KLF8: variants seen among roughly 807,000 people sequenced by gnomAD.
KLF8 encodes the protein KLF transcription factor 8, also known as Krueppel-like factor 8.
Under a neutral mutation model 18.2 loss-of-function variants are expected in KLF8, and 10 were observed. That is an observed-to-expected ratio of 0.55 (90% confidence interval 0.34 to 0.93). The LOEUF is 0.93. KLF8 is among the 40% of genes least tolerant of loss of function. The pLI is 0.02. For missense variants in KLF8, 264 were observed against 277.9 expected, an observed-to-expected ratio of 0.95 and a Z score of 0.36; for synonymous variants, 109 against 97.3, an observed-to-expected ratio of 1.12 and a Z score of -0.71.
the KLF8 span, among the ~76,000 whole-genome samples, chrX:56,050,623 G>T: frequency 2.7e-5 from 3 of 112,363 alleles, no homozygotes; most frequent in African/African-American, 9.7e-5. Flanking sequence ...TTGCACTGTT[G>T]TCTAAGAGGT....
At chrX:56,053,605 G>A in the KLF8 span, among the ~76,000 whole-genome samples, 2 of 94,485 alleles carry the variant, frequency 2.1e-5, no homozygotes, top group Admixed American at 1.3e-4. Context: ...TTGTACATCT[G>A]TTAGTATTTA....
the KLF8 span, among the ~76,000 whole-genome samples, chrX:56,152,930 A>G: frequency 1.8e-5 from 2 of 112,051 alleles, no homozygotes; most frequent in Non-Finnish European, 3.8e-5. Context: ...GCATAGCATA[A>G]GAATCCAAAT....
chrX:56,048,122 T>C, the KLF8 span, among the ~76,000 whole-genome samples: 3 of 112,013 alleles, frequency 2.7e-5, no homozygotes, highest in Admixed American at 9.5e-5. Context: ...TTGTTTGTTT[T>C]TTTCTTGTAA....
chrX:55,975,925 C>T, the KLF8 span, among the ~76,000 whole-genome samples: 1 of 111,136 alleles, frequency 9.0e-6, no homozygotes, highest in Non-Finnish European at 1.9e-5. Flanking sequence ...GCCTGACCAA[C>T]GTGGAGAAAC....
chrX:56,159,841 C>T, the KLF8 span, among the ~76,000 whole-genome samples: 22 of 111,360 alleles, frequency 2.0e-4, no homozygotes, highest in Admixed American at 3.8e-4. Context: ...AAAACAATCT[C>T]CTGGATTCAT....
chrX:56,157,742 C>T, the KLF8 span, among the ~76,000 whole-genome samples: 2 of 111,006 alleles, frequency 1.8e-5, no homozygotes, highest in African/African-American at 6.5e-5. Context: ...GGGTTGTTTG[C>T]TTTTTTCTTG....
chrX:56,074,148 G>C, the KLF8 span, among the ~76,000 whole-genome samples: 6 of 111,790 alleles, frequency 5.4e-5, no homozygotes, highest in Non-Finnish European at 1.1e-4. Flanking sequence ...CTGTCTTTTT[G>C]TTATTAAATT....
At chrX:56,265,792 T>C (rs982151123) in intron 3 of KLF8, 48 bp downstream of exon 3, 35 of 1,149,330 alleles carry the variant, frequency 3.0e-5, no homozygotes, top group Non-Finnish European at 3.9e-5. Context: ...ATCTATTCCC[T>C]TTTAGAGTCA....
At chrX:56,059,576 A>G in the KLF8 span, among the ~76,000 whole-genome samples, 2 of 112,059 alleles carry the variant, frequency 1.8e-5, no homozygotes, top group Non-Finnish European at 3.8e-5. Flanking sequence ...GCATATGGTT[A>G]GCCAGTTTTC....
chrX:56,020,098 G>A, the KLF8 span, among the ~76,000 whole-genome samples: 1 of 111,971 alleles, frequency 8.9e-6, no homozygotes, highest in African/African-American at 3.2e-5. Flanking sequence ...GCACAACAAA[G>A]TTTTTAGTTA....
the KLF8 span, among the ~76,000 whole-genome samples, chrX:56,194,869 A>G: frequency 8.9e-6 from 1 of 112,310 alleles, no homozygotes; most frequent in African/African-American, 3.2e-5. Context: ...AGGAAGGATC[A>G]GACAGCAATA....
At chrX:56,208,811 G>T in the KLF8 span, among the ~76,000 whole-genome samples, 1 of 111,638 alleles carries the variant, frequency 9.0e-6, no homozygotes, top group Non-Finnish European at 1.9e-5. Flanking sequence ...ATTCCATTGT[G>T]TTCAGAGAAA....
the KLF8 span, among the ~76,000 whole-genome samples, chrX:56,162,438 C>T: frequency 8.9e-6 from 1 of 111,905 alleles, no homozygotes; most frequent in Non-Finnish European, 1.9e-5. Context: ...TTCCCAGCTG[C>T]TTTGTTTACC....
chrX:56,121,171 G>A, the KLF8 span, among the ~76,000 whole-genome samples: 6 of 95,095 alleles, frequency 6.3e-5, no homozygotes, highest in African/African-American at 2.6e-4. Context: ...GGGCCACAGA[G>A]CGAGACTCCG....
chrX:56,047,062 A>G, the KLF8 span, among the ~76,000 whole-genome samples: 1 of 102,902 alleles, frequency 9.7e-6, no homozygotes, highest in Non-Finnish European at 2.0e-5. Context: ...TCATTTTTTA[A>G]TTTTTTTTTT....
the KLF8 span, among the ~76,000 whole-genome samples, chrX:56,185,014 G>A: frequency 8.9e-6 from 1 of 112,838 alleles, no homozygotes; most frequent in Non-Finnish European, 1.9e-5. Context: ...ATGGAAAAAA[G>A]CTGGACGGAG....
chrX:56,082,407 A>G, the KLF8 span, among the ~76,000 whole-genome samples: 1 of 108,960 alleles, frequency 9.2e-6, no homozygotes, highest in Non-Finnish European at 1.9e-5. Flanking sequence ...AGAATCAACT[A>G]TTGGTTTTGT....
chrX:56,154,468 G>C, the KLF8 span, among the ~76,000 whole-genome samples: 1 of 111,757 alleles, frequency 8.9e-6, no homozygotes, highest in Non-Finnish European at 1.9e-5. Flanking sequence ...ATGGATGAAA[G>C]ACTTAAATGT....
the KLF8 span, among the ~76,000 whole-genome samples, chrX:56,103,797 A>G: frequency 9.0e-6 from 1 of 111,543 alleles, no homozygotes; most frequent in Non-Finnish European, 1.9e-5. Context: ...GCCAGTTTTC[A>G]AAGGGAATGC....
Sources: allele counts gnomAD v4.1 joint callset (sites outside exome capture counted in the v4.1 genomes callset), GRCh38; gene constraint gnomAD v4.1.1; transcripts MANE v1.5; gene names NCBI Gene and HGNC (gene_info 2026-07-23, HGNC 2026-07-21).